The following CELF2 variants were observed in gnomAD, a reference collection of about 807,000 sequenced individuals.
The protein encoded by CELF2 is CUGBP Elav-like family member 2.
CELF2 carries 8 observed loss-of-function variants against 62.6 expected under a neutral mutation model. That is an observed-to-expected ratio of 0.13 (90% confidence interval 0.07 to 0.23). The LOEUF (loss-of-function observed/expected upper bound fraction) is 0.23, where lower values mean the gene tolerates loss of function less well. Ranked by LOEUF, CELF2 falls within the 10% of genes least tolerant of loss-of-function variation. The probability of loss-of-function intolerance (pLI) is 1.00; values close to 1 mark genes in which losing one functional copy is unlikely to be tolerated. For synonymous variants in CELF2, 258 were observed against 250.0 expected, an observed-to-expected ratio of 1.03 and a Z score of -0.30; for missense variants, 333 against 671.0, an observed-to-expected ratio of 0.50 and a Z score of 5.56.
chr10:10,569,402 A>C, the CELF2 span, among the ~76,000 whole-genome samples: 1 of 152,182 alleles, frequency 6.6e-6, no homozygotes, highest in African/African-American at 2.4e-5. Flanking sequence ...CTACCACGAG[A>C]AAAGTATGGA....
At chr10:10,838,061 A>C (rs1381439990) in intron 1 of CELF2, among the ~76,000 whole-genome samples, 1 of 152,190 alleles carries the variant, frequency 6.6e-6, no homozygotes, top group Non-Finnish European at 1.5e-5. Flanking sequence ...AGGATGTCAC[A>C]GTACATTTAG....
chr10:10,742,238 TA>T, the CELF2 span, among the ~76,000 whole-genome samples: 3 of 152,128 alleles, frequency 2.0e-5, no homozygotes, highest in African/African-American at 7.2e-5. Context: ...ATGTTTCACA[TA>T]AAGTCATAGT....
intron 1 of CELF2, among the ~76,000 whole-genome samples, chr10:10,834,223 A>G (rs916825864): frequency 2.6e-5 from 4 of 152,188 alleles, no homozygotes; most frequent in Non-Finnish European, 5.9e-5. Context: ...AAAACCAAAT[A>G]CTGCGTGTTC....
the CELF2 span, among the ~76,000 whole-genome samples, chr10:10,514,136 G>A: frequency 1.3e-5 from 2 of 152,206 alleles, no homozygotes; most frequent in East Asian, 1.9e-4. Flanking sequence ...TTTCCAAGAT[G>A]TTATTCCCAG....
At chr10:11,132,097 C>T (rs1002248550) in intron 1 of CELF2, among the ~76,000 whole-genome samples, 3 of 152,248 alleles carry the variant, frequency 2.0e-5, no homozygotes, top group Admixed American at 6.5e-5. Context: ...AGTCTGTCCT[C>T]AAGTTATCCA....
intron 1 of CELF2, among the ~76,000 whole-genome samples, chr10:11,109,784 T>A (rs2054629172): frequency 6.6e-6 from 1 of 152,170 alleles, no homozygotes; most frequent in Admixed American, 6.5e-5. Flanking sequence ...TGCAGGCCGG[T>A]TATTTAACTC....
the CELF2 span, among the ~76,000 whole-genome samples, chr10:10,648,744 T>A: frequency 6.6e-6 from 1 of 152,190 alleles, no homozygotes; most frequent in Non-Finnish European, 1.5e-5. Context: ...ATATCCAAGA[T>A]GATTGACCGT....
rs80158370 is a variant in CELF2, at chr10:10,827,967, A to G, written c.53+29150A>G. Among the ~76,000 whole-genome samples, 116 of 145,962 alleles carry G rather than the reference A, an allele frequency of 7.9e-4. 2 individuals are homozygous for G. The East Asian group carries it at 0.021, about 27-fold the overall frequency. Reference sequence around the variant, plus strand: ...AATGAATGCAAATCAAAACTGCAAGATACCACATCATACCCGTCAGGAAGG... The same window carrying G: ...AATGAATGCAAATCAAAACTGCAAGGTACCACATCATACCCGTCAGGAAGG... On this transcript the variant is annotated intron_variant, in intron 1 of 13. Transcript: ENST00000636488.
the CELF2 span, among the ~76,000 whole-genome samples, chr10:10,708,470 A>G: frequency 6.6e-6 from 1 of 152,186 alleles, no homozygotes; most frequent in South Asian, 2.1e-4. Flanking sequence ...AAAAGCAAAA[A>G]ACCAGCTTGG....
At chr10:10,596,265 A>G in the CELF2 span, among the ~76,000 whole-genome samples, 3 of 152,194 alleles carry the variant, frequency 2.0e-5, no homozygotes, top group Non-Finnish European at 4.4e-5. Flanking sequence ...GTAAAAAAAA[A>G]AAAAAATAGC....
At chr10:10,926,700 G>A (rs930523421) in intron 2 of CELF2, among the ~76,000 whole-genome samples, 1 of 152,166 alleles carries the variant, frequency 6.6e-6, no homozygotes, top group African/African-American at 2.4e-5. Flanking sequence ...TTAGGGAGGG[G>A]ACATTGGGTT....
chr10:10,894,097 C>T (rs1484483202), intron 1 of CELF2, among the ~76,000 whole-genome samples: 2 of 151,746 alleles, frequency 1.3e-5, no homozygotes, highest in African/African-American at 4.8e-5. Flanking sequence ...AAGTTTTTAA[C>T]CTGATTCTTA....
the CELF2 span, among the ~76,000 whole-genome samples, chr10:10,515,700 G>A: frequency 1.3e-5 from 2 of 152,166 alleles, no homozygotes; most frequent in Non-Finnish European, 1.5e-5. Flanking sequence ...AAGCCAAGTT[G>A]GAAAGATCAG....
At chr10:10,828,005 A>AC (rs1467777892) in intron 1 of CELF2, among the ~76,000 whole-genome samples, 1 of 146,704 alleles carries the variant, frequency 6.8e-6, no homozygotes, top group Non-Finnish European at 1.5e-5. Flanking sequence ...AGTCTTAAAA[A>AC]AAAAAAAAAA....
chr10:10,806,254 G>C (rs2055223519), intron 1 of CELF2, among the ~76,000 whole-genome samples: 1 of 148,170 alleles, frequency 6.7e-6, no homozygotes, highest in Admixed American at 6.9e-5. Context: ...AGCCAGGCTG[G>C]AGTGCAGTGG....
At position 11,165,727 on chromosome 10, in the gene CELF2, CGCGGGG is replaced by C. The variant is rs2066885503; in HGVS notation, c.271+46_271+51del. The C allele has an allele frequency of 2.6e-6, 4 of 1,549,920 alleles. No homozygotes were observed. In the East Asian group the frequency reaches 9.4e-5, roughly 37 times the overall value. ...GGTCGCCAGGCGTCCAGGTGGGCGT[CGCGGGG>C]CACTGGGGCTGTCCGAGCCCCCAGC... On this transcript the variant is annotated intron_variant, in intron 2 of 12. Transcript: ENST00000633077. The surrounding 1 kb of genome is among the most constrained non-coding windows in gnomAD (Gnocchi z 7.4).
the CELF2 span, among the ~76,000 whole-genome samples, chr10:10,562,082 G>T: frequency 6.6e-6 from 1 of 152,156 alleles, no homozygotes; most frequent in Non-Finnish European, 1.5e-5. Context: ...CACTGCTGTT[G>T]GTTGCCTAGA....
At chr10:11,017,755 C>T (rs1394159254), upstream of CELF2, among the ~76,000 whole-genome samples, 1 of 151,926 alleles carries the variant, frequency 6.6e-6, no homozygotes, top group Non-Finnish European at 1.5e-5. The surrounding 1 kb of genome is among the most constrained non-coding windows in gnomAD (Gnocchi z 5.5). Context: ...CGTGCCCGGG[C>T]GGTGAGCGCG....
At chr10:11,121,058 G>C (rs183137596) in intron 1 of CELF2, among the ~76,000 whole-genome samples, 1 of 152,126 alleles carries the variant, frequency 6.6e-6, no homozygotes, top group African/African-American at 2.4e-5. Context: ...TGTTCCTGTC[G>C]TGGACAGAAA....
Sources: allele counts gnomAD v4.1 joint callset (sites outside exome capture counted in the v4.1 genomes callset), GRCh38; gene constraint gnomAD v4.1.1; non-coding constraint Gnocchi (gnomAD v3.1); transcripts MANE v1.5; gene names NCBI Gene and HGNC (gene_info 2026-07-23, HGNC 2026-07-21).